Variants in RANBP2 observed in about 807,000 individuals in gnomAD.
The protein encoded by RANBP2 is E3 SUMO-protein ligase RanBP2.
In RANBP2, 57 loss-of-function variants were observed where a neutral mutation model predicts 303.6. That is an observed-to-expected ratio of 0.19 (90% CI 0.15 to 0.23). RANBP2 has a LOEUF of 0.23. RANBP2 is among the 10% of genes least tolerant of loss of function. The pLI is 1.00. For missense variants in RANBP2, 3,138 were observed against 3,780.8 expected (o/e 0.83, Z 4.46); for synonymous variants, 1,167 against 1,301.5 (o/e 0.90, Z 2.23).
the RANBP2 span, among the ~76,000 whole-genome samples, chr2:108,825,566 C>T: frequency 9.2e-5 from 14 of 152,132 alleles, no homozygotes; most frequent in African/African-American, 2.4e-4. Context: ...TCGTACAATA[C>T]GTAGTGTTCC....
At chr2:108,890,725 G>A in the RANBP2 span, among the ~76,000 whole-genome samples, 2 of 152,114 alleles carry the variant, frequency 1.3e-5, no homozygotes, top group African/African-American at 4.8e-5. Flanking sequence ...GACTTAGGAA[G>A]TTTTCATCTA....
the RANBP2 span, among the ~76,000 whole-genome samples, chr2:109,490,390 GGT>G: frequency 6.6e-6 from 1 of 152,138 alleles, no homozygotes; most frequent in Non-Finnish European, 1.5e-5. Flanking sequence ...GGCCCTCACT[GGT>G]TCACCCGTGG....
chr2:109,098,112 C>G, the RANBP2 span, among the ~76,000 whole-genome samples: 1 of 152,176 alleles, frequency 6.6e-6, no homozygotes, highest in African/African-American at 2.4e-5. Flanking sequence ...GACTCTATCA[C>G]AGTTGTGTGA....
At chr2:109,083,325 C>T in the RANBP2 span, among the ~76,000 whole-genome samples, 5 of 152,166 alleles carry the variant, frequency 3.3e-5, no homozygotes. Flanking sequence ...CTGGCACCCA[C>T]TATTCTACTT....
At chr2:109,183,345 A>G in the RANBP2 span, among the ~76,000 whole-genome samples, 1 of 151,966 alleles carries the variant, frequency 6.6e-6, no homozygotes, top group Non-Finnish European at 1.5e-5. Context: ...TTGCAAGGTG[A>G]GAGTCTACAC....
the RANBP2 span, among the ~76,000 whole-genome samples, chr2:109,483,191 T>C: frequency 6.6e-6 from 1 of 152,224 alleles, no homozygotes; most frequent in African/African-American, 2.4e-5. Context: ...TAATTACCTT[T>C]TCCCCATCTC....
chr2:108,816,188 C>A, the RANBP2 span: 4 of 993,606 alleles, frequency 4.0e-6, no homozygotes, highest in Non-Finnish European at 4.5e-6. Flanking sequence ...CAGTGGCTCA[C>A]GTCTATAATC....
At chr2:108,985,720 G>T in the RANBP2 span, among the ~76,000 whole-genome samples, 1 of 152,150 alleles carries the variant, frequency 6.6e-6, no homozygotes, top group Non-Finnish European at 1.5e-5. Context: ...AGGTGTCTCT[G>T]CCCCCAGAGA....
the RANBP2 span, among the ~76,000 whole-genome samples, chr2:109,578,385 G>A: frequency 1.2e-4 from 19 of 152,260 alleles, no homozygotes; most frequent in South Asian, 1.5e-3. Context: ...TACTGACATG[G>A]AAGCATTACA....
At chr2:109,650,236 A>G in the RANBP2 span, among the ~76,000 whole-genome samples, 5 of 152,206 alleles carry the variant, frequency 3.3e-5, no homozygotes, top group Non-Finnish European at 4.4e-5. Context: ...TATGCCACAC[A>G]GATAGGAATT....
At chr2:109,400,430 GCACT>G in the RANBP2 span, among the ~76,000 whole-genome samples, 2 of 151,670 alleles carry the variant, frequency 1.3e-5, no homozygotes, top group African/African-American at 4.9e-5. Context: ...GCACATATGT[GCACT>G]TATATGCACC....
At chr2:108,992,278 C>T in the RANBP2 span, among the ~76,000 whole-genome samples, 1 of 152,170 alleles carries the variant, frequency 6.6e-6, no homozygotes, top group Admixed American at 6.5e-5. Context: ...GGGTAGATCA[C>T]AATGAGAACA....
intron 4 of RANBP2, among the ~76,000 whole-genome samples, chr2:108,732,270 G>A (rs826525): frequency 0.36 from 54,293 of 151,912 alleles, 13,083 homozygotes; most frequent in African/African-American, 0.69. Context: ...GAAAGATTCT[G>A]TATGCTACTT....
the RANBP2 span, chr2:109,614,124 A>G: frequency 8.3e-7 from 1 of 1,206,350 alleles, no homozygotes; most frequent in Non-Finnish European, 1.0e-6. Context: ...GCTGAAGGAG[A>G]GCTGGGACTC....
the RANBP2 span, among the ~76,000 whole-genome samples, chr2:108,983,198 G>T: frequency 3.9e-5 from 6 of 152,258 alleles, no homozygotes; most frequent in East Asian, 1.2e-3. Context: ...CATCCCCAAA[G>T]TGTACACTCT....
chr2:109,290,081 G>C, the RANBP2 span, among the ~76,000 whole-genome samples: 1 of 152,218 alleles, frequency 6.6e-6, no homozygotes, highest in Non-Finnish European at 1.5e-5. Flanking sequence ...AATCTCTCTT[G>C]TGATGCCAAT....
the RANBP2 span, among the ~76,000 whole-genome samples, chr2:109,621,914 AAAATAAAT>A: frequency 9.0e-4 from 132 of 146,596 alleles, no homozygotes; most frequent in African/African-American, 3.0e-3. Context: ...CTCCATCTCA[AAAATAAAT>A]AAATAAATAA....
the RANBP2 span, among the ~76,000 whole-genome samples, chr2:108,834,817 A>G: frequency 3.3e-5 from 5 of 152,212 alleles, no homozygotes; most frequent in African/African-American, 1.2e-4. Flanking sequence ...ATGAATTTGC[A>G]TATTCTAAGT....
chr2:109,398,656 A>G, the RANBP2 span: 1 of 1,605,806 alleles, frequency 6.2e-7, no homozygotes, highest in East Asian at 2.2e-5. Context: ...ATCCAGCTGC[A>G]ATGCCTCCCT....
Sources: gnomAD v4.1 joint callset for allele counts (sites outside exome capture counted in the v4.1 genomes callset) on GRCh38, gnomAD v4.1.1 for gene constraint, MANE v1.5 for transcripts, NCBI Gene and HGNC (gene_info 2026-07-23, HGNC 2026-07-21) for gene names.